The following MYO6 variants were observed in gnomAD, a reference collection of about 807,000 sequenced individuals.
The protein encoded by MYO6 is myosin VI, also known as unconventional myosin-VI.
Under a neutral mutation model 178.7 loss-of-function variants are expected in MYO6, and 74 were observed. The observed-to-expected ratio is 0.41, with a 90% CI of 0.34 to 0.50. The LOEUF (loss-of-function observed/expected upper bound fraction) is 0.50, where lower values mean the gene tolerates loss of function less well. MYO6 is among the 20% of genes least tolerant of loss of function. The pLI is 0.09. For missense variants in MYO6, 1,330 were observed against 1,547.4 expected, an observed-to-expected ratio of 0.86 and a Z score of 2.36; for synonymous variants, 477 against 504.6, an observed-to-expected ratio of 0.95 and a Z score of 0.73.
At chr6:75,842,188 ACACACACACACATG>A (rs1281522598) in intron 9 of MYO6, among the ~76,000 whole-genome samples, 1 of 148,262 alleles carries the variant, frequency 6.7e-6, no homozygotes, top group African/African-American at 2.5e-5. Flanking sequence ...TGGGAAACGC[ACACACACACACATG>A]CACACACACA....
At chr6:75,899,310 A>G (rs1398623033) in intron 30 of MYO6, among the ~76,000 whole-genome samples, 5 of 152,162 alleles carry the variant, frequency 3.3e-5, no homozygotes, top group African/African-American at 1.2e-4. Context: ...CATTCTGACA[A>G]TTATAAAACT....
intron 1 of MYO6, among the ~76,000 whole-genome samples, chr6:75,810,130 T>C (rs1020386774): frequency 1.3e-5 from 2 of 151,294 alleles, no homozygotes; most frequent in Non-Finnish European, 2.9e-5. Context: ...GTTCTTGTTA[T>C]GTAGAGAAGC....
chr6:75,907,560 T>A (rs755814234), intron 30 of MYO6, 45 bp from the exon 31 acceptor site: 1 of 1,458,108 alleles, frequency 6.9e-7, no homozygotes, highest in South Asian at 1.1e-5. Context: ...CAATGTTTTC[T>A]TCATGTTTCT....
At chr6:75,803,210 G>A (rs1769666138) in intron 1 of MYO6, among the ~76,000 whole-genome samples, 1 of 151,674 alleles carries the variant, frequency 6.6e-6, no homozygotes, top group Admixed American at 6.6e-5. Context: ...TAATTTTCCT[G>A]GTATCAGTTC....
intron 1 of MYO6, among the ~76,000 whole-genome samples, chr6:75,749,717 C>G (rs753663988): frequency 6.6e-6 from 1 of 152,152 alleles, no homozygotes; most frequent in African/African-American, 2.4e-5. Context: ...ACTCAGGTGC[C>G]TAACTCGGAC....
At chr6:75,861,750 A>G (rs1489733763) in intron 15 of MYO6, among the ~76,000 whole-genome samples, 2 of 152,168 alleles carry the variant, frequency 1.3e-5, no homozygotes, top group East Asian at 3.9e-4. Flanking sequence ...AAAACATAGT[A>G]TAATAATAAT....
At chr6:75,802,545 A>G (rs9360941) in intron 1 of MYO6, among the ~76,000 whole-genome samples, 66,764 of 148,258 alleles carry the variant, frequency 0.45, 18,947 homozygotes, top group African/African-American at 0.81. Flanking sequence ...GTGTAGTGGC[A>G]TGATCATGAC....
chr6:75,814,303 T>C (rs1451812054), intron 1 of MYO6, among the ~76,000 whole-genome samples: 1 of 151,936 alleles, frequency 6.6e-6, no homozygotes, highest in East Asian at 1.9e-4. Context: ...GTGCTGAGAG[T>C]TGAAGACTGG....
intron 3 of MYO6, among the ~76,000 whole-genome samples, chr6:75,827,663 GGAAA>G: frequency 6.6e-6 from 1 of 152,236 alleles, no homozygotes; most frequent in South Asian, 2.1e-4. Context: ...CAGTAGAAAT[GGAAA>G]GAAAGGAGAT....
chr6:75,754,345 C>T (rs1777151927), intron 1 of MYO6, among the ~76,000 whole-genome samples: 1 of 151,730 alleles, frequency 6.6e-6, no homozygotes, highest in South Asian at 2.1e-4. Flanking sequence ...TGTGGTGAAA[C>T]CCCATCTCTA....
chr6:75,772,418 C>G lies in MYO6; in HGVS notation c.-48+22995C>G, dbSNP rs1370881484. ...TAGCCTAATTTAGATAAACTTTCTT[C>G]GTAGTTCAATTAGAAAACTCTCCAT... On this transcript the variant is annotated intron_variant, in intron 1 of 34. Coordinates refer to ENST00000369977, the MANE Select transcript of MYO6 (RefSeq NM_004999.4). Among the ~76,000 whole-genome samples the G allele has an allele frequency of 2.0e-5, 3 of 151,970 alleles. No individual in the cohort carries two copies. The East Asian group carries it at 5.8e-4, about 29-fold the overall frequency.
intron 9 of MYO6, among the ~76,000 whole-genome samples, chr6:75,842,733 C>T (rs1774354893): frequency 2.0e-5 from 3 of 152,136 alleles, no homozygotes; most frequent in Admixed American, 2.0e-4. Flanking sequence ...CTAGGAATTA[C>T]ATGAAATATA....
At chr6:75,865,047 GC>G in intron 16 of MYO6, among the ~76,000 whole-genome samples, 1 of 152,188 alleles carries the variant, frequency 6.6e-6, no homozygotes, top group Admixed American at 6.5e-5. Context: ...TCTCTGTTCT[GC>G]TACCTCTTTA....
intron 3 of MYO6, among the ~76,000 whole-genome samples, chr6:75,825,714 G>T (rs1772398317): frequency 6.6e-6 from 1 of 152,146 alleles, no homozygotes; most frequent in African/African-American, 2.4e-5. Context: ...TGTTGAAGTT[G>T]TTTGTGGGTT....
At chr6:75,750,322 C>G (rs547270258) in intron 1 of MYO6, among the ~76,000 whole-genome samples, 3 of 152,100 alleles carry the variant, frequency 2.0e-5, no homozygotes, top group Non-Finnish European at 2.9e-5. Flanking sequence ...GTCTTGAAAT[C>G]CTGACCTCTT....
intron 1 of MYO6, among the ~76,000 whole-genome samples, chr6:75,804,609 C>T (rs1481889197): frequency 6.6e-6 from 1 of 152,028 alleles, no homozygotes; most frequent in Non-Finnish European, 1.5e-5. Context: ...CTAGAAGGCT[C>T]CCTGAGGCCA....
intron 1 of MYO6, among the ~76,000 whole-genome samples, chr6:75,813,436 C>G (rs1388211972): frequency 6.6e-6 from 1 of 152,182 alleles, no homozygotes; most frequent in African/African-American, 2.4e-5. Context: ...CAGTGGGCTC[C>G]CCTTTGGCCC....
At chr6:75,758,826 A>G (rs1439347316) in intron 1 of MYO6, among the ~76,000 whole-genome samples, 2 of 152,106 alleles carry the variant, frequency 1.3e-5, no homozygotes, top group Non-Finnish European at 2.9e-5. Flanking sequence ...GTTAATTTTT[A>G]ACGATTATAC....
In MYO6 at chr6:75,855,155, G is replaced by A. The variant is rs772438082; in HGVS notation, c.1095G>A (p.Lys365=). The A allele has an allele frequency of 1.9e-6, 3 of 1,610,424 alleles. No individual in the cohort carries two copies. The change falls in exon 12 of 35, where the codon AAG becomes AAA. Residue 365 remains lysine (K), a synonymous_variant. Transcript: ENST00000369977. ...TTCTATTAGGTGGTTGTAATCTGAAGAATAAATCTGCTCAGTCTTTGGAAT... is the reference window on the plus strand; with the variant it reads ...TTCTATTAGGTGGTTGTAATCTGAAAAATAAATCTGCTCAGTCTTTGGAAT... ...AGSTSGGCNL[K]NKSAQSLEYC...
Sources: allele counts gnomAD v4.1 joint callset (sites outside exome capture counted in the v4.1 genomes callset), GRCh38; gene constraint gnomAD v4.1.1; transcripts MANE v1.5; gene names NCBI Gene and HGNC (gene_info 2026-07-23, HGNC 2026-07-21).